Variants in CNTNAP2 observed in about 807,000 individuals in gnomAD.
CNTNAP2 encodes the protein contactin-associated protein-like 2.
CNTNAP2 carries 98 observed loss-of-function variants against 155.2 expected under a neutral mutation model. That is an observed-to-expected ratio of 0.63 (90% CI 0.54 to 0.75). The LOEUF is 0.75. Ranked by LOEUF, CNTNAP2 falls within the 30% of genes least tolerant of loss-of-function variation. The probability of loss-of-function intolerance (pLI) is 0.00; values close to 1 mark genes in which losing one functional copy is unlikely to be tolerated. For missense variants in CNTNAP2, 1,727 were observed against 1,688.1 expected, an observed-to-expected ratio of 1.02 and a Z score of -0.40; for synonymous variants, 651 against 631.2, an observed-to-expected ratio of 1.03 and a Z score of -0.47.
chr7:147,512,248 T>G (rs1010455335), intron 11 of CNTNAP2, among the ~76,000 whole-genome samples: 4 of 152,214 alleles, frequency 2.6e-5, no homozygotes, highest in African/African-American at 9.6e-5. Flanking sequence ...GTGTCCACAC[T>G]CCCATTTGCA....
chr7:146,688,661 C>T (rs76827652), intron 1 of CNTNAP2, among the ~76,000 whole-genome samples: 2,273 of 152,154 alleles, frequency 0.015, 24 homozygotes, highest in Middle Eastern at 0.034. Context: ...CAGGAACTGG[C>T]TATTTTTCAC....
intron 15 of CNTNAP2, among the ~76,000 whole-genome samples, chr7:148,047,012 T>C (rs1390012548): frequency 6.6e-6 from 1 of 152,176 alleles, no homozygotes; most frequent in Admixed American, 6.5e-5. Context: ...CTTGGTGAAT[T>C]GGGAATAGAC....
At chr7:146,683,236 T>C (rs953583030) in intron 1 of CNTNAP2, among the ~76,000 whole-genome samples, 1 of 152,110 alleles carries the variant, frequency 6.6e-6, no homozygotes, top group Admixed American at 6.5e-5. Context: ...TTACACCATG[T>C]TGGCCAGGCT....
chr7:147,775,639 T>C (rs1797573443), intron 13 of CNTNAP2, among the ~76,000 whole-genome samples: 1 of 151,368 alleles, frequency 6.6e-6, no homozygotes, highest in Non-Finnish European at 1.5e-5. Context: ...CCTGGACTTG[T>C]TTGAAAGGCA....
chr7:146,438,451 G>C (rs1796274714), intron 1 of CNTNAP2, among the ~76,000 whole-genome samples: 1 of 151,444 alleles, frequency 6.6e-6, no homozygotes, highest in African/African-American at 2.5e-5. Context: ...CTGGATAAGA[G>C]AGTAAGTCTA....
chr7:146,137,289 A>G (rs1797811373), intron 1 of CNTNAP2, among the ~76,000 whole-genome samples: 1 of 152,192 alleles, frequency 6.6e-6, no homozygotes, highest in South Asian at 2.1e-4. Context: ...TTGTTCTGAA[A>G]GTATAATTTT....
intron 3 of CNTNAP2, among the ~76,000 whole-genome samples, chr7:146,843,800 C>T (rs1803790804): frequency 6.6e-6 from 1 of 151,970 alleles, no homozygotes; most frequent in Admixed American, 6.5e-5. Context: ...GTTTTTTAAT[C>T]CACTACTGCT....
At chr7:146,412,207 G>A (rs1393318779) in intron 1 of CNTNAP2, among the ~76,000 whole-genome samples, 1 of 152,122 alleles carries the variant, frequency 6.6e-6, no homozygotes, top group African/African-American at 2.4e-5. Context: ...CTGCAGGTCG[G>A]CTCCTGTTAA....
In CNTNAP2 at chr7:147,031,545, G is replaced by A. The variant is rs572462012; in HGVS notation, c.403-12362G>A. Among the ~76,000 whole-genome samples, 17 of 152,296 alleles carry A rather than the reference G, an allele frequency of 1.1e-4. No homozygotes were observed. In the South Asian group the frequency reaches 2.1e-3, roughly 19 times the overall value. ...ATAGAAATGTGCTACTGATAATAACGATATGAGGGAATCTTAACAAAATTG... is the reference window on the plus strand; with the variant it reads ...ATAGAAATGTGCTACTGATAATAACAATATGAGGGAATCTTAACAAAATTG... On this transcript the variant is annotated intron_variant, in intron 3 of 23. Coordinates refer to ENST00000361727, the MANE Select transcript of CNTNAP2 (RefSeq NM_014141.6).
At chr7:146,536,589 T>TCC (rs1563124924) in intron 1 of CNTNAP2, among the ~76,000 whole-genome samples, 30 of 141,146 alleles carry the variant, frequency 2.1e-4, no homozygotes, top group African/African-American at 7.4e-4. Context: ...CTCCCCCATG[T>TCC]TCCCCCCCCA....
chr7:147,275,115 G>A (rs760548956), intron 8 of CNTNAP2, among the ~76,000 whole-genome samples: 17 of 151,786 alleles, frequency 1.1e-4, no homozygotes, highest in Admixed American at 1.3e-4. Context: ...TTCGTTCCTT[G>A]TGCTTAGGAT....
chr7:147,509,722 C>T (rs987424790), intron 11 of CNTNAP2, among the ~76,000 whole-genome samples: 1 of 151,946 alleles, frequency 6.6e-6, no homozygotes, highest in Non-Finnish European at 1.5e-5. Flanking sequence ...GAAAAGCTCT[C>T]TTCTGCTTGT....
chr7:146,974,534 G>A (rs960219558), intron 3 of CNTNAP2, among the ~76,000 whole-genome samples: 3 of 152,132 alleles, frequency 2.0e-5, no homozygotes, highest in African/African-American at 7.2e-5. Context: ...TTTCTGTTAT[G>A]TAAAGTCAAA....
At chr7:147,172,027 A>G (rs980446471) in intron 8 of CNTNAP2, among the ~76,000 whole-genome samples, 27 of 152,188 alleles carry the variant, frequency 1.8e-4, no homozygotes, top group Non-Finnish European at 1.8e-4. Flanking sequence ...GATGATTAAC[A>G]TGATGTTTCT....
chr7:148,106,386 GA>G (rs1804217247), intron 15 of CNTNAP2, among the ~76,000 whole-genome samples: 2 of 137,984 alleles, frequency 1.4e-5, no homozygotes, highest in Admixed American at 1.3e-4. Context: ...CTCAGGAAAA[GA>G]AAAAAAGCAT....
At chr7:146,220,160 A>C (rs1799182692) in intron 1 of CNTNAP2, among the ~76,000 whole-genome samples, 1 of 152,120 alleles carries the variant, frequency 6.6e-6, no homozygotes, top group African/African-American at 2.4e-5. Flanking sequence ...ATAATTTTGT[A>C]GGAGCTGACA....
At chr7:146,265,457 C>CTTTTT (rs796634792) in intron 1 of CNTNAP2, among the ~76,000 whole-genome samples, 1 of 135,600 alleles carries the variant, frequency 7.4e-6, no homozygotes, top group Non-Finnish European at 1.6e-5. Context: ...TTCTTTCTTT[C>CTTTTT]TTTTTTTTTT....
chr7:148,409,804 C>CT (rs1342245894), intron 23 of CNTNAP2, among the ~76,000 whole-genome samples: 6,930 of 81,532 alleles, frequency 0.085, 872 homozygotes, highest in Middle Eastern at 0.1. Context: ...GTAATCCCAG[C>CT]ACTTTGGGAG....
At chr7:147,221,137 T>TA (rs34601254) in intron 8 of CNTNAP2, among the ~76,000 whole-genome samples, 66,652 of 151,016 alleles carry the variant, frequency 0.44, 15,105 homozygotes, top group African/African-American at 0.48. Flanking sequence ...TAACTTATAA[T>TA]AAAAAAAAAC....
Sources: allele counts gnomAD v4.1 joint callset (sites outside exome capture counted in the v4.1 genomes callset), GRCh38; gene constraint gnomAD v4.1.1; transcripts MANE v1.5; gene names NCBI Gene and HGNC (gene_info 2026-07-23, HGNC 2026-07-21).